MGMT: variants seen among roughly 807,000 people sequenced by gnomAD.
MGMT encodes the protein methylated-DNA--protein-cysteine methyltransferase.
Under a neutral mutation model 15.9 loss-of-function variants are expected in MGMT, and 14 were observed. The observed-to-expected ratio is 0.88, with a 90% CI of 0.58 to 1.37. The LOEUF is 1.37. MGMT is among the 40% of genes most tolerant of loss of function. The pLI, the probability that MGMT is intolerant of heterozygous loss-of-function variation, is 0.00. For synonymous variants in MGMT, 130 were observed against 118.2 expected (o/e 1.10, Z -0.65); for missense variants, 282 against 268.1 (o/e 1.05, Z -0.36).
At chr10:129,684,967 A>G (rs866924349) in intron 2 of MGMT, among the ~76,000 whole-genome samples, 6 of 152,212 alleles carry the variant, frequency 3.9e-5, no homozygotes, top group Non-Finnish European at 8.8e-5. Flanking sequence ...TCTTGATGTG[A>G]TGCTACAGTT....
In MGMT at chr10:129,523,732, G is replaced by C. The variant is rs567808821; in HGVS notation, c.-12-12509G>C. Among the ~76,000 whole-genome samples the C allele has an allele frequency of 2.0e-3, 308 of 152,178 alleles. 6 individuals carry two copies. Among genetic ancestry groups the C allele is most frequent in the Admixed American group, 0.02 (307 of 15,288 alleles). On this transcript the variant is annotated intron_variant, in intron 1 of 4. Transcript: ENST00000651593. ...CATTTGATTTTAAAGGACAGCCACA[G>C]TCCTGCCAGCTCCATAGAGAGAGCA...
chr10:129,511,872 A>G (rs1404123221), intron 1 of MGMT, among the ~76,000 whole-genome samples: 1 of 152,178 alleles, frequency 6.6e-6, no homozygotes, highest in African/African-American at 2.4e-5. Context: ...GCATTGCACA[A>G]GCTCCCAGCA....
At chr10:129,695,835 C>T (rs1395234674) in intron 2 of MGMT, among the ~76,000 whole-genome samples, 1 of 152,160 alleles carries the variant, frequency 6.6e-6, no homozygotes, top group Non-Finnish European at 1.5e-5. Context: ...TCTGGCACAG[C>T]CTGCAGGCCT....
At chr10:129,636,811 C>T (rs1302452854) in intron 2 of MGMT, among the ~76,000 whole-genome samples, 5 of 152,062 alleles carry the variant, frequency 3.3e-5, no homozygotes, top group Admixed American at 3.3e-4. Flanking sequence ...TCTTTTGAGT[C>T]AATCAGAATT....
intron 3 of MGMT, among the ~76,000 whole-genome samples, chr10:129,736,339 C>T (rs1848560348): frequency 6.6e-6 from 1 of 151,656 alleles, no homozygotes; most frequent in Non-Finnish European, 1.5e-5. Flanking sequence ...CTCTTTTGAT[C>T]TTTGTTGGTT....
intron 2 of MGMT, among the ~76,000 whole-genome samples, chr10:129,658,235 T>A (rs1186510090): frequency 2.6e-5 from 4 of 152,080 alleles, no homozygotes; most frequent in African/African-American, 9.7e-5. Context: ...GCCCTGGAGG[T>A]CTGCAAGGGA....
chr10:129,518,966 T>A (rs1157686593), intron 1 of MGMT, among the ~76,000 whole-genome samples: 1 of 139,024 alleles, frequency 7.2e-6, no homozygotes, highest in Non-Finnish European at 1.5e-5. Flanking sequence ...AGAGGGACTG[T>A]CCTGACTCTT....
At chr10:129,618,196 A>G (rs866351799) in intron 2 of MGMT, among the ~76,000 whole-genome samples, 21 of 152,154 alleles carry the variant, frequency 1.4e-4, no homozygotes, top group Non-Finnish European at 2.2e-4. Flanking sequence ...TTTTTTAAAA[A>G]GGATTTTCTT....
chr10:129,756,322 G>T (rs913119), intron 3 of MGMT, among the ~76,000 whole-genome samples: 97,475 of 151,884 alleles, frequency 0.64, 32,491 homozygotes, highest in African/African-American at 0.83. Context: ...AAGGGCGAGT[G>T]TGGGAAGGAG....
intron 2 of MGMT, among the ~76,000 whole-genome samples, chr10:129,607,314 T>A (rs1846903798): frequency 6.6e-6 from 1 of 152,134 alleles, no homozygotes; most frequent in African/African-American, 2.4e-5. Flanking sequence ...GAAGATGGAT[T>A]GTCGGATAAC....
In MGMT at chr10:129,768,671, G is replaced by A. The variant is rs753203368; in HGVS notation, c.*1674G>A. 3.3e-5 allele frequency among the ~76,000 whole-genome samples: 5 copies of A among 152,262 alleles called. No homozygotes were observed. The highest frequency in any genetic ancestry group is 7.3e-5 in the Non-Finnish European group (5 of 68,046). ...TCTGGCTCTCCAAGGCAGCAGCTTGGGGCCTGGTGGCCCGGGTGTGCGAGC... is the reference window on the plus strand; with the variant it reads ...TCTGGCTCTCCAAGGCAGCAGCTTGAGGCCTGGTGGCCCGGGTGTGCGAGC... On this transcript the variant is annotated 3_prime_UTR_variant, in exon 5 of 5. Transcript: ENST00000651593.
chr10:129,708,344 T>C (rs1421063324), intron 3 of MGMT, among the ~76,000 whole-genome samples: 1 of 152,238 alleles, frequency 6.6e-6, no homozygotes, highest in Non-Finnish European at 1.5e-5. Flanking sequence ...TGAATGGCAG[T>C]AAATTTTTCA....
intron 2 of MGMT, among the ~76,000 whole-genome samples, chr10:129,544,635 A>G (rs1846080151): frequency 6.6e-6 from 1 of 152,182 alleles, no homozygotes; most frequent in Admixed American, 6.5e-5. Flanking sequence ...CCTGCTGATC[A>G]GCCTCTGTTG....
intron 3 of MGMT, among the ~76,000 whole-genome samples, chr10:129,735,010 G>A (rs796498904): frequency 6.6e-6 from 1 of 152,080 alleles, no homozygotes; most frequent in African/African-American, 2.4e-5. Flanking sequence ...AAGGATATTG[G>A]TCTAAAATTC....
At chr10:129,496,639 G>T (rs920729260) in intron 1 of MGMT, among the ~76,000 whole-genome samples, 5 of 152,066 alleles carry the variant, frequency 3.3e-5, no homozygotes, top group African/African-American at 4.8e-5. Context: ...GCATCAGCTT[G>T]TGCAGCCGTG....
chr10:129,662,591 G>C (rs950588317), intron 2 of MGMT, among the ~76,000 whole-genome samples: 2 of 152,208 alleles, frequency 1.3e-5, no homozygotes, highest in African/African-American at 4.8e-5. Context: ...AGCGGAAGCT[G>C]TGTCAGGAAC....
At chr10:129,620,941 T>C (rs1847084101) in intron 2 of MGMT, among the ~76,000 whole-genome samples, 1 of 152,196 alleles carries the variant, frequency 6.6e-6, no homozygotes, top group Non-Finnish European at 1.5e-5. Context: ...ATTGCGTTAT[T>C]AGTGCTACCT....
chr10:129,530,871 G>T (rs1369727252), intron 1 of MGMT, among the ~76,000 whole-genome samples: 1 of 152,186 alleles, frequency 6.6e-6, no homozygotes, highest in African/African-American at 2.4e-5. Flanking sequence ...CCTCCCCATA[G>T]TTCAGTTCTC....
rs147553808 is a variant in MGMT at position 129,653,947 on chromosome 10, G to C, written c.126-53948G>C. Among the ~76,000 whole-genome samples, 997 of 152,184 alleles carry C rather than the reference G, an allele frequency of 6.6e-3. 17 individuals carry two copies. The highest frequency in any genetic ancestry group is 0.023 in the African/African-American group (967 of 41,526). ...AAGGGGCCAGGTGGAGCCACCTTTG[G>C]GGATGCGGGGAGAACTTGGTGGCCC... On this transcript the variant is annotated intron_variant, in intron 2 of 4. Coordinates refer to ENST00000651593, the MANE Select transcript of MGMT (RefSeq NM_002412.5).
Sources: gnomAD v4.1 joint callset for allele counts (sites outside exome capture counted in the v4.1 genomes callset) on GRCh38, gnomAD v4.1.1 for gene constraint, MANE v1.5 for transcripts, NCBI Gene and HGNC (gene_info 2026-07-23, HGNC 2026-07-21) for gene names.